C6orf58: variants seen among roughly 807,000 people sequenced by gnomAD.
The protein encoded by C6orf58 is protein LEG1 homolog.
C6orf58 carries 30 observed loss-of-function variants against 37.0 expected under a neutral mutation model. That is an observed-to-expected ratio of 0.81 (90% CI 0.61 to 1.10). The LOEUF (loss-of-function observed/expected upper bound fraction) is 1.10. Ranked by LOEUF, C6orf58 falls within the 50% of genes least tolerant of loss-of-function variation. The probability of loss-of-function intolerance (pLI) is 0.00; values close to 1 mark genes in which losing one functional copy is unlikely to be tolerated. For synonymous variants in C6orf58, 143 were observed against 134.1 expected (o/e 1.07, Z -0.46); for missense variants, 368 against 387.5 (o/e 0.95, Z 0.42).
intron 4 of C6orf58, among the ~76,000 whole-genome samples, chr6:127,583,660 C>T (rs1264368302): frequency 1.3e-5 from 2 of 152,040 alleles, no homozygotes; most frequent in African/African-American, 2.4e-5. Flanking sequence ...TGGTGTGGTA[C>T]CTTCTGATGG....
chr6:127,581,668 G>GATTA (rs1425257244), intron 4 of C6orf58, among the ~76,000 whole-genome samples: 4 of 152,150 alleles, frequency 2.6e-5, no homozygotes, highest in African/African-American at 9.7e-5. Context: ...AGCAATGAAT[G>GATTA]ATTCATTAAT....
At chr6:127,585,253 C>G (rs2114296740) in intron 4 of C6orf58, among the ~76,000 whole-genome samples, 1 of 152,176 alleles carries the variant, frequency 6.6e-6, no homozygotes, top group South Asian at 2.1e-4. Flanking sequence ...TGAGATGTCC[C>G]AAAGGCCCAT....
At chr6:127,580,589 T>C (rs924391103) in intron 3 of C6orf58, 140 bp downstream of exon 3, 9 of 608,514 alleles carry the variant, frequency 1.5e-5, no homozygotes, top group Admixed American at 5.9e-5. Context: ...TAATAGTATA[T>C]TGTAGAGTGT....
At chr6:127,588,971 T>A (rs1465803412) in intron 4 of C6orf58, among the ~76,000 whole-genome samples, 1 of 152,106 alleles carries the variant, frequency 6.6e-6, no homozygotes, top group Non-Finnish European at 1.5e-5. Context: ...CACTTCCAAG[T>A]ATAGGGCAGG....
intron 3 of C6orf58, 93 bp from the exon 4 acceptor site, chr6:127,581,089 A>G (rs745589022): frequency 6.0e-6 from 3 of 502,986 alleles, no homozygotes; most frequent in Non-Finnish European, 6.8e-6. Context: ...TTTATGTACA[A>G]TATTGCTAAA....
chr6:127,590,262 A>G lies in C6orf58; in HGVS notation c.850A>G (p.Thr284Ala). ...TGTAGCCCCTTTCATCAGTGACTTT[A>G]CTGCTTTTCAGAATGTAGTCCTGGT... ...TDVAPFISDF[T>A]AFQNVVLVLL... Residue 284 changes from threonine (T) to alanine (A), a missense_variant, in exon 5 of 6, where the codon ACT becomes GCT. By Grantham distance (58) the Thr-to-Ala change is moderately conservative (BLOSUM62 0). Coordinates refer to ENST00000329722, the MANE Select transcript of C6orf58 (RefSeq NM_001010905.3). 1 of 1,613,474 alleles carries G rather than the reference A, an allele frequency of 6.2e-7. No homozygotes were observed. The highest frequency in any genetic ancestry group is 1.1e-5 in the South Asian group (1 of 91,074).
chr6:127,580,757 G>C (rs1435480653), intron 3 of C6orf58, among the ~76,000 whole-genome samples: 1 of 151,964 alleles, frequency 6.6e-6, no homozygotes, highest in Non-Finnish European at 1.5e-5. Context: ...TGTCCACTAG[G>C]ATATTGGAAG....
chr6:127,590,463 C>A (rs913771863), intron 5 of C6orf58, 138 bp downstream of exon 5: 10 of 631,654 alleles, frequency 1.6e-5, no homozygotes, highest in African/African-American at 1.1e-4. Flanking sequence ...CATTCTATTT[C>A]TTTAGCAATA....
At chr6:127,591,438 A>C (rs1775161368) in intron 5 of C6orf58, 105 bp from the exon 6 acceptor site, 4 of 1,018,870 alleles carry the variant, frequency 3.9e-6, no homozygotes, top group Non-Finnish European at 4.1e-6. Context: ...TTTACCATTA[A>C]ATTAGTAGAA....
intron 4 of C6orf58, among the ~76,000 whole-genome samples, chr6:127,588,169 C>G (rs939366296): frequency 2.0e-5 from 3 of 152,212 alleles, no homozygotes; most frequent in African/African-American, 7.2e-5. Flanking sequence ...CTACATCAGA[C>G]AAGCCTGGTT....
intron 4 of C6orf58, among the ~76,000 whole-genome samples, chr6:127,584,428 G>A (rs1775083365): frequency 6.6e-6 from 1 of 152,100 alleles, no homozygotes; most frequent in East Asian, 1.9e-4. Context: ...GAAGCTTTTA[G>A]GACCCAGGAA....
intron 3 of C6orf58, 87 bp from the exon 4 acceptor site, chr6:127,581,095 C>A: frequency 3.7e-6 from 2 of 544,208 alleles, no homozygotes; most frequent in South Asian, 4.5e-5. Context: ...TACAATATTG[C>A]TAAAATATAT....
intron 5 of C6orf58, among the ~76,000 whole-genome samples, chr6:127,590,639 A>G (rs1429218207): frequency 6.6e-6 from 1 of 151,228 alleles, no homozygotes; most frequent in Non-Finnish European, 1.5e-5. Context: ...TTTGCTCATC[A>G]GATCATTTAA....
intron 1 of C6orf58, among the ~76,000 whole-genome samples, 179 bp from the exon 2 acceptor site, chr6:127,578,507 G>T (rs1431675720): frequency 6.6e-6 from 1 of 151,824 alleles, no homozygotes; most frequent in East Asian, 1.9e-4. Flanking sequence ...TTAAGGAAAA[G>T]GAAAGAAATT....
At chr6:127,589,636 A>C (rs1775140778) in intron 4 of C6orf58, among the ~76,000 whole-genome samples, 1 of 152,120 alleles carries the variant, frequency 6.6e-6, no homozygotes, top group Non-Finnish European at 1.5e-5. Flanking sequence ...TACAATTTAG[A>C]TCTAGATATT....
chr6:127,589,751 T>C (rs1284685069), intron 4 of C6orf58, among the ~76,000 whole-genome samples: 2 of 152,224 alleles, frequency 1.3e-5, no homozygotes, highest in East Asian at 3.8e-4. Flanking sequence ...AGACCTTTGA[T>C]ATTTATCTCT....
rs781729230 is a variant in C6orf58 at position 127,577,282 on chromosome 6, T to A, written c.97T>A (p.Trp33Arg). 4 of 1,613,516 alleles carry A rather than the reference T, an allele frequency of 2.5e-6. No individual in the cohort carries two copies. The highest frequency in any genetic ancestry group is 3.4e-6 in the Non-Finnish European group (4 of 1,179,586). ...SNLSETEPPL[W>R]KESPGQLSDY... ...TCTCTCAGAGACAGAGCCCCCTCTG[T>A]GGAAGGAGAGTCCTGGTCAGCTCAG... The change falls in exon 1 of 6, where the codon TGG (tryptophan) becomes AGG (arginine). Residue 33 changes from tryptophan to arginine, a missense_variant. Coordinates refer to ENST00000329722, the MANE Select transcript of C6orf58 (RefSeq NM_001010905.3).
intron 4 of C6orf58, among the ~76,000 whole-genome samples, chr6:127,586,623 TCTCAACAC>T (rs1325086434): frequency 6.6e-6 from 1 of 152,208 alleles, no homozygotes; most frequent in Non-Finnish European, 1.5e-5. Flanking sequence ...CATTTGGCTG[TCTCAACAC>T]TATGGTTCCA....
Position 127,590,293 on chromosome 6 carries a change from TA to T in C6orf58, c.884del (p.Asn295IlefsTer10). 1 of 1,610,984 alleles carries T rather than the reference TA, an allele frequency of 6.2e-7. No homozygotes were observed. Among genetic ancestry groups the T allele is most frequent in the South Asian group, 1.1e-5 (1 of 91,020 alleles). On this transcript the variant is annotated frameshift_variant, in exon 5 of 6. Transcript: ENST00000329722. LOFTEE classifies it low-confidence loss of function (END_TRUNC). ...TTTCAGAATGTAGTCCTGGTTCTTCTAAATATGCTTGACAATGTGGATAAAT... is the reference window on the plus strand; with the variant it reads ...TTTCAGAATGTAGTCCTGGTTCTTCTAATATGCTTGACAATGTGGATAAAT... ...TAFQNVVLVLLNMLDNVDKSI... is the reference protein window; with the variant it reads ...TAFQNVVLVLXNMLDNVDKSI...
Sources: gnomAD v4.1 joint callset for allele counts (sites outside exome capture counted in the v4.1 genomes callset) on GRCh38, gnomAD v4.1.1 for gene constraint, MANE v1.5 for transcripts, NCBI Gene and HGNC (gene_info 2026-07-23, HGNC 2026-07-21) for gene names.